GABRR2: variants seen among roughly 807,000 people sequenced by gnomAD.
GABRR2 encodes the protein gamma-aminobutyric acid type A receptor subunit rho2.
GABRR2 carries 36 observed loss-of-function variants against 47.0 expected under a neutral mutation model. That is an observed-to-expected ratio of 0.77 (90% CI 0.59 to 1.01). GABRR2 has a LOEUF of 1.01. Among genes scored for constraint, GABRR2 ranks in the 50% least tolerant of loss-of-function variants. The probability of loss-of-function intolerance (pLI) is 0.00; values close to 1 mark genes in which losing one functional copy is unlikely to be tolerated. For missense variants in GABRR2, 587 were observed against 594.6 expected (o/e 0.99, Z 0.13); for synonymous variants, 204 against 227.5 (o/e 0.90, Z 0.93).
At chr6:89,274,194 C>T (rs1452309713) in intron 2 of GABRR2, among the ~76,000 whole-genome samples, 1 of 152,234 alleles carries the variant, frequency 6.6e-6, no homozygotes, top group Non-Finnish European at 1.5e-5. Context: ...AGGTATTGCC[C>T]ATGCGGAGTG....
intron 1 of GABRR2, chr6:89,302,180 C>G (rs1767459307): frequency 1.8e-6 from 1 of 561,108 alleles, no homozygotes; most frequent in Admixed American, 2.1e-5. Context: ...GGGTTTCCAG[C>G]TGACCCTCTC....
At chr6:89,299,622 G>A (rs1774614801) in intron 2 of GABRR2, 137 bp downstream of exon 2, 1 of 624,750 alleles carries the variant, frequency 1.6e-6, no homozygotes, top group Admixed American at 2.8e-5. Flanking sequence ...TAGGGACTCA[G>A]GAAATGGAGT....
intron 8 of GABRR2, among the ~76,000 whole-genome samples, chr6:89,263,616 G>A (rs935465950): frequency 1.8e-4 from 27 of 152,252 alleles, no homozygotes; most frequent in Admixed American, 1.3e-3. Context: ...TCTGCCTCCC[G>A]GGTTCAAGCG....
intron 2 of GABRR2, among the ~76,000 whole-genome samples, chr6:89,285,170 C>T (rs1449111159): frequency 6.6e-6 from 1 of 152,196 alleles, no homozygotes; most frequent in Non-Finnish European, 1.5e-5. Flanking sequence ...ACATCCAGTC[C>T]CCAGCAGCAC....
At chr6:89,282,145 C>G (rs1458273844) in intron 2 of GABRR2, among the ~76,000 whole-genome samples, 1 of 152,216 alleles carries the variant, frequency 6.6e-6, no homozygotes, top group East Asian at 1.9e-4. Flanking sequence ...CTCTCACACA[C>G]ACATGCAACC....
intron 2 of GABRR2, among the ~76,000 whole-genome samples, chr6:89,296,223 A>G (rs1394680778): frequency 2.6e-5 from 4 of 152,250 alleles, no homozygotes; most frequent in Non-Finnish European, 4.4e-5. Context: ...GCTCTAAGCC[A>G]TCTTCAAATG....
At chr6:89,292,854 C>A (rs1271161232) in intron 2 of GABRR2, among the ~76,000 whole-genome samples, 1 of 137,964 alleles carries the variant, frequency 7.2e-6, no homozygotes, top group Non-Finnish European at 1.6e-5. Flanking sequence ...TCGTATATAT[C>A]ATATATTATA....
chr6:89,297,182 G>T (rs1306356083), intron 2 of GABRR2, among the ~76,000 whole-genome samples: 1 of 152,214 alleles, frequency 6.6e-6, no homozygotes, highest in Non-Finnish European at 1.5e-5. Flanking sequence ...CATATTTTAT[G>T]ATTGTGTTGG....
At chr6:89,305,349 A>G (rs1372603548) in intron 1 of GABRR2, among the ~76,000 whole-genome samples, 2 of 152,008 alleles carry the variant, frequency 1.3e-5, no homozygotes, top group African/African-American at 2.4e-5. Flanking sequence ...AGAAAATGTA[A>G]TACACATATA....
intron 1 of GABRR2, among the ~76,000 whole-genome samples, chr6:89,313,833 C>T (rs1562397873): frequency 6.6e-6 from 1 of 152,136 alleles, no homozygotes; most frequent in Non-Finnish European, 1.5e-5. Context: ...AGGAGAATCG[C>T]TTGAACCCGG....
rs529228203 is a variant in GABRR2 at position 89,272,397 on chromosome 6, G to T, written c.221-675C>A. On this transcript the variant is annotated intron_variant, in intron 2 of 8. Coordinates refer to ENST00000402938, the MANE Select transcript of GABRR2 (RefSeq NM_002043.5). ...ATTTCTAAAACTGAGTTTGTCTGTG[G>T]GGTCCTGTCCTTTTCCTTGAGCTGG... is the stretch of plus-strand genomic sequence containing the variant. Among the ~76,000 whole-genome samples, 546 of 152,346 alleles carry T rather than the reference G, an allele frequency of 3.6e-3. 1 individual carries two copies. The highest frequency in any genetic ancestry group is 0.013 in the African/African-American group (523 of 41,584).
intron 2 of GABRR2, among the ~76,000 whole-genome samples, chr6:89,299,006 C>T (rs902748221): frequency 2.0e-5 from 3 of 152,178 alleles, no homozygotes; most frequent in African/African-American, 7.2e-5. Flanking sequence ...ACTTCCGGCC[C>T]CTGGAAACAT....
chr6:89,295,982 G>A (rs184663476), intron 2 of GABRR2, among the ~76,000 whole-genome samples: 106 of 152,290 alleles, frequency 7.0e-4, no homozygotes, highest in African/African-American at 2.3e-3. Context: ...ATTGGTCTAT[G>A]TCTCTGTTTT....
At chr6:89,282,192 C>T (rs969489999) in intron 2 of GABRR2, among the ~76,000 whole-genome samples, 1 of 152,182 alleles carries the variant, frequency 6.6e-6, no homozygotes, top group African/African-American at 2.4e-5. Context: ...CACCAGCCCC[C>T]CTCCTCCACC....
chr6:89,313,626 G>A (rs531785435), intron 1 of GABRR2, among the ~76,000 whole-genome samples: 39 of 152,280 alleles, frequency 2.6e-4, no homozygotes, highest in African/African-American at 8.7e-4. Flanking sequence ...TCCAGAGAGA[G>A]TAATTATAGG....
At chr6:89,268,564 A>G (rs1245820359) in intron 4 of GABRR2, among the ~76,000 whole-genome samples, 2 of 152,032 alleles carry the variant, frequency 1.3e-5, no homozygotes, top group South Asian at 2.1e-4. Flanking sequence ...CATTTTTTTA[A>G]GATGTGGAAC....
chr6:89,276,719 T>G (rs976593326), intron 2 of GABRR2, among the ~76,000 whole-genome samples: 2 of 152,208 alleles, frequency 1.3e-5, no homozygotes, highest in Non-Finnish European at 2.9e-5. Flanking sequence ...GTTGTATGAT[T>G]GAGTACATAA....
At chr6:89,284,563 C>T (rs2127841383) in intron 2 of GABRR2, among the ~76,000 whole-genome samples, 1 of 152,270 alleles carries the variant, frequency 6.6e-6, no homozygotes, top group South Asian at 2.1e-4. Context: ...CATGTTTAAG[C>T]AACTTAGCCC....
intron 2 of GABRR2, among the ~76,000 whole-genome samples, chr6:89,283,955 A>G (rs1774293280): frequency 6.6e-6 from 1 of 152,208 alleles, no homozygotes. Context: ...CCATAATTAC[A>G]GCTCTTAAGG....
Sources: allele counts gnomAD v4.1 joint callset (sites outside exome capture counted in the v4.1 genomes callset), GRCh38; gene constraint gnomAD v4.1.1; transcripts MANE v1.5; gene names NCBI Gene and HGNC (gene_info 2026-07-23, HGNC 2026-07-21).